DYNC2LI1: variants seen among roughly 807,000 people sequenced by gnomAD.
The protein encoded by DYNC2LI1 is cytoplasmic dynein 2 light intermediate chain 1.
Under a neutral mutation model 51.9 loss-of-function variants are expected in DYNC2LI1, and 45 were observed. That is an observed-to-expected ratio of 0.87 (90% CI 0.68 to 1.11). The LOEUF (loss-of-function observed/expected upper bound fraction) is 1.11. Ranked by LOEUF, DYNC2LI1 falls within the 50% of genes most tolerant of loss-of-function variation. DYNC2LI1 has a pLI of 0.00. For synonymous variants in DYNC2LI1, 130 were observed against 137.8 expected (o/e 0.94, Z 0.40); for missense variants, 490 against 417.4 (o/e 1.17, Z -1.51).
intron 1 of DYNC2LI1, 151 bp downstream of exon 1, chr2:43,774,297 C>G (rs1436037859): frequency 2.0e-6 from 2 of 1,015,824 alleles, no homozygotes; most frequent in Non-Finnish European, 2.9e-6. Flanking sequence ...CAGCCTTGAG[C>G]ATAAAGATTC....
At chr2:43,784,089 C>G (rs1673409846) in intron 3 of DYNC2LI1, among the ~76,000 whole-genome samples, 1 of 152,160 alleles carries the variant, frequency 6.6e-6, no homozygotes, top group South Asian at 2.1e-4. Context: ...GAAGATATTT[C>G]TCTGTTCCCT....
chr2:43,799,489 T>C (rs1393517560), intron 8 of DYNC2LI1, among the ~76,000 whole-genome samples: 1 of 152,218 alleles, frequency 6.6e-6, no homozygotes, highest in Non-Finnish European at 1.5e-5. Context: ...GAAAAGTGAC[T>C]AAATTCATTC....
chr2:43,794,706 C>T, intron 6 of DYNC2LI1, 63 bp downstream of exon 6: 3 of 1,611,710 alleles, frequency 1.9e-6, no homozygotes, highest in Non-Finnish European at 2.5e-6. Context: ...ATGATAACAT[C>T]ACAAACAACT....
intron 5 of DYNC2LI1, chr2:43,792,605 GA>G (rs1244333061): frequency 6.9e-7 from 1 of 1,446,668 alleles, no homozygotes; most frequent in Admixed American, 2.7e-5. Flanking sequence ...TACATCTCCA[GA>G]ACTTTTTGAT....
rs752908990 is a variant in DYNC2LI1, at chr2:43,794,787, A to C, written c.507+144A>C. ...AACCTGTTCACTGGAAAATTACAGCAATTTATTAAAACCTCAGTAAGAGCA... is the reference window on the plus strand; with the variant it reads ...AACCTGTTCACTGGAAAATTACAGCCATTTATTAAAACCTCAGTAAGAGCA... On this transcript the variant is annotated intron_variant, in intron 6 of 12. Coordinates refer to ENST00000260605, the MANE Select transcript of DYNC2LI1 (RefSeq NM_016008.4). The C allele has an allele frequency of 1.3e-5, 20 of 1,503,832 alleles. No homozygotes were observed. In the South Asian group the frequency reaches 2.1e-4, roughly 16 times the overall value. The allele number at this position is 1,503,832 out of a possible 1,614,324, so 93.2% of individuals were successfully genotyped here. A position where few individuals can be genotyped will look rare whatever the true frequency, so the allele number is the denominator to read the frequency against.
downstream of DYNC2LI1, chr2:43,812,891 C>A (rs376140340): frequency 1.8e-4 from 100 of 552,464 alleles, 1 homozygote; most frequent in South Asian, 2.0e-3. Context: ...GTCACAATTT[C>A]CAAATAACCA....
At chr2:43,806,581 A>T (rs1666265737) in intron 12 of DYNC2LI1, among the ~76,000 whole-genome samples, 1 of 152,210 alleles carries the variant, frequency 6.6e-6, no homozygotes, top group African/African-American at 2.4e-5. Flanking sequence ...GGCTATAAGG[A>T]TTAGTTGGAA....
intron 1 of DYNC2LI1, among the ~76,000 whole-genome samples, chr2:43,776,471 A>G (rs1277330070): frequency 6.6e-6 from 1 of 152,202 alleles, no homozygotes; most frequent in African/African-American, 2.4e-5. Flanking sequence ...GTACCTCCAT[A>G]TGTGTCTGAG....
intron 1 of DYNC2LI1, among the ~76,000 whole-genome samples, chr2:43,775,112 C>A (rs1186299952): frequency 6.6e-6 from 1 of 152,162 alleles, no homozygotes; most frequent in Non-Finnish European, 1.5e-5. Flanking sequence ...TATATTTTAA[C>A]AATTATGACA....
At chr2:43,792,877 C>T (rs78828319) in intron 5 of DYNC2LI1, 1 of 1,379,592 alleles carries the variant, frequency 7.2e-7, no homozygotes, top group Non-Finnish European at 9.5e-7. Flanking sequence ...TAAACAAATA[C>T]CACAGTTCAG....
intron 9 of DYNC2LI1, 185 bp from the exon 10 acceptor site, chr2:43,801,454 T>C: frequency 2.3e-6 from 1 of 442,630 alleles, no homozygotes; most frequent in East Asian, 3.7e-5. Context: ...TATAAAATGT[T>C]TATTTATGCT....
chr2:43,820,327 T>C, the DYNC2LI1 span, among the ~76,000 whole-genome samples: 2 of 152,212 alleles, frequency 1.3e-5, no homozygotes, highest in Admixed American at 6.5e-5. Flanking sequence ...ACCTTTTCCC[T>C]TTCACGGCTC....
At chr2:43,824,242 G>A in the DYNC2LI1 span, 1 of 1,614,190 alleles carries the variant, frequency 6.2e-7, no homozygotes, top group Middle Eastern at 1.6e-4. Context: ...CCAGTTTAGA[G>A]AAAACTCCAG....
At chr2:43,792,640 C>G in intron 5 of DYNC2LI1, 1 of 1,522,146 alleles carries the variant, frequency 6.6e-7, no homozygotes, top group East Asian at 2.5e-5. Flanking sequence ...AACTCTTTAC[C>G]TATTAAACAA....
At chr2:43,801,752 T>C in intron 10 of DYNC2LI1, 43 bp downstream of exon 10, 2 of 1,467,342 alleles carry the variant, frequency 1.4e-6, no homozygotes, top group Non-Finnish European at 1.9e-6. Context: ...TTTTAATTGC[T>C]TATTGATTTT....
At chr2:43,786,907 C>T (rs1483099145) in intron 3 of DYNC2LI1, among the ~76,000 whole-genome samples, 2 of 152,168 alleles carry the variant, frequency 1.3e-5, no homozygotes, top group East Asian at 1.9e-4. Context: ...TTGTGCCCAG[C>T]GTGGCCATCC....
chr2:43,778,618 A>G (rs1015338964), intron 2 of DYNC2LI1, among the ~76,000 whole-genome samples: 5 of 152,200 alleles, frequency 3.3e-5, no homozygotes, highest in South Asian at 2.1e-4. Context: ...ATACATTTCT[A>G]TTACAGAAAA....
chr2:43,786,357 T>C (rs1433435945), intron 3 of DYNC2LI1, among the ~76,000 whole-genome samples: 6 of 152,118 alleles, frequency 3.9e-5, no homozygotes, highest in Admixed American at 6.5e-5. Context: ...TGCTACCTTT[T>C]TTTTTGTAGA....
chr2:43,821,843 C>G, the DYNC2LI1 span, among the ~76,000 whole-genome samples: 1 of 151,848 alleles, frequency 6.6e-6, no homozygotes, highest in Admixed American at 6.6e-5. Flanking sequence ...TTCTTGATAT[C>G]TTCATCATCT....
Sources: gnomAD v4.1 joint callset for allele counts (sites outside exome capture counted in the v4.1 genomes callset) on GRCh38, gnomAD v4.1.1 for gene constraint, MANE v1.5 for transcripts, NCBI Gene and HGNC (gene_info 2026-07-23, HGNC 2026-07-21) for gene names.